The following SGCZ variants were observed in gnomAD, a reference collection of about 807,000 sequenced individuals.
SGCZ encodes zeta-sarcoglycan.
A neutral mutation model predicts 41.3 loss-of-function variants in SGCZ; 40 were observed. That is an observed-to-expected ratio of 0.97 (90% CI 0.75 to 1.26). The LOEUF (loss-of-function observed/expected upper bound fraction) is 1.26. Ranked by LOEUF, SGCZ falls within the 50% of genes most tolerant of loss-of-function variation. The probability of loss-of-function intolerance (pLI) is 0.00; values close to 1 mark genes in which losing one functional copy is unlikely to be tolerated. For synonymous variants in SGCZ, 206 were observed against 137.5 expected (o/e 1.50, Z -3.49); for missense variants, 552 against 369.8 (o/e 1.49, Z -4.04).
intron 1 of SGCZ, among the ~76,000 whole-genome samples, chr8:15,099,662 A>C (rs557950339): frequency 1.1e-4 from 16 of 152,310 alleles, no homozygotes; most frequent in African/African-American, 3.6e-4. Flanking sequence ...AGACTTTACA[A>C]AAAAGAGAAA....
chr8:14,369,021 ATGTGTGTG>A (rs10655274), intron 2 of SGCZ, among the ~76,000 whole-genome samples: 284 of 145,512 alleles, frequency 2.0e-3, no homozygotes, highest in African/African-American at 6.6e-3. Flanking sequence ...GCAAATGTAA[ATGTGTGTG>A]TGTGTGTGTG....
At chr8:14,678,785 GTTC>G (rs747294023) in intron 1 of SGCZ, among the ~76,000 whole-genome samples, 1 of 152,184 alleles carries the variant, frequency 6.6e-6, no homozygotes, top group Non-Finnish European at 1.5e-5. Context: ...CAACCAAGAT[GTTC>G]TTCAGTAGGT....
chr8:14,340,250 A>G (rs144878228), intron 2 of SGCZ, among the ~76,000 whole-genome samples: 67 of 152,190 alleles, frequency 4.4e-4, no homozygotes, highest in African/African-American at 1.6e-3. Context: ...ACACTCTTAT[A>G]CTTTCAAAAA....
chr8:14,658,012 G>A (rs1807629831), intron 1 of SGCZ, among the ~76,000 whole-genome samples: 1 of 152,038 alleles, frequency 6.6e-6, no homozygotes, highest in Non-Finnish European at 1.5e-5. Flanking sequence ...TTAAAAAAAG[G>A]AAACTACTGA....
chr8:14,848,022 T>A (rs1803194295), intron 1 of SGCZ, among the ~76,000 whole-genome samples: 1 of 152,092 alleles, frequency 6.6e-6, no homozygotes, highest in Admixed American at 6.6e-5. Context: ...TTACTGGAAA[T>A]AATAAGTGAA....
chr8:14,181,595 T>C (rs773086087), intron 4 of SGCZ, among the ~76,000 whole-genome samples: 2 of 152,216 alleles, frequency 1.3e-5, no homozygotes, highest in Non-Finnish European at 2.9e-5. Flanking sequence ...CAGATGGAGA[T>C]AACTGAAGCA....
intron 1 of SGCZ, among the ~76,000 whole-genome samples, chr8:14,758,705 T>A (rs1380539924): frequency 6.6e-6 from 1 of 152,150 alleles, no homozygotes; most frequent in Non-Finnish European, 1.5e-5. Context: ...ATTTCTTTAT[T>A]TTCTTAAAAT....
At chr8:15,139,520 A>G (rs1808242044) in intron 1 of SGCZ, among the ~76,000 whole-genome samples, 1 of 152,184 alleles carries the variant, frequency 6.6e-6, no homozygotes, top group Non-Finnish European at 1.5e-5. Flanking sequence ...ATTATTGTGT[A>G]TATTTAAGGT....
chr8:15,190,421 A>T (rs2117108595), intron 1 of SGCZ, among the ~76,000 whole-genome samples: 1 of 152,202 alleles, frequency 6.6e-6, no homozygotes, highest in Non-Finnish European at 1.5e-5. Context: ...CTCAGAAAAG[A>T]CAGTGGTTAA....
intron 1 of SGCZ, among the ~76,000 whole-genome samples, chr8:14,715,858 A>C (rs1280912512): frequency 6.6e-6 from 1 of 152,150 alleles, no homozygotes; most frequent in Non-Finnish European, 1.5e-5. Flanking sequence ...ACCCCAAAAC[A>C]CATCAGGAAA....
intron 2 of SGCZ, among the ~76,000 whole-genome samples, chr8:14,373,312 G>C (rs546423870): frequency 6.6e-6 from 1 of 152,276 alleles, no homozygotes; most frequent in South Asian, 2.1e-4. Flanking sequence ...TTTTGGACAT[G>C]TTAAATCTGA....
intron 2 of SGCZ, among the ~76,000 whole-genome samples, chr8:14,489,831 A>G (rs1464886087): frequency 6.7e-6 from 1 of 150,342 alleles, no homozygotes; most frequent in Non-Finnish European, 1.5e-5. Context: ...AACATCATGC[A>G]GCAGATTTCA....
intron 1 of SGCZ, among the ~76,000 whole-genome samples, chr8:14,988,396 C>T (rs1342668321): frequency 6.6e-6 from 1 of 151,822 alleles, no homozygotes; most frequent in African/African-American, 2.4e-5. Flanking sequence ...TTACATAAAA[C>T]TAACTTCAAC....
intron 5 of SGCZ, among the ~76,000 whole-genome samples, chr8:14,157,216 T>C (rs1035554210): frequency 1.3e-5 from 2 of 151,002 alleles, no homozygotes; most frequent in South Asian, 2.1e-4. Context: ...GGACCACCAA[T>C]GTATATGTGG....
intron 2 of SGCZ, among the ~76,000 whole-genome samples, chr8:14,473,346 C>A (rs6983100): frequency 0.035 from 5,391 of 152,158 alleles, 293 homozygotes; most frequent in African/African-American, 0.12. Context: ...TATGCTGTTG[C>A]ATTCAGATTA....
chr8:14,821,494 A>G (rs1438184840), intron 1 of SGCZ, among the ~76,000 whole-genome samples: 1 of 152,066 alleles, frequency 6.6e-6, no homozygotes. Context: ...GATTCCAAAA[A>G]TGAATAAGGA....
intron 1 of SGCZ, among the ~76,000 whole-genome samples, chr8:14,778,657 G>C (rs1691737300): frequency 6.6e-6 from 1 of 152,098 alleles, no homozygotes; most frequent in African/African-American, 2.4e-5. Context: ...ATAGAAAACT[G>C]GGCAAAGGAC....
intron 1 of SGCZ, among the ~76,000 whole-genome samples, chr8:14,694,305 C>T (rs1167193402): frequency 6.6e-6 from 1 of 152,114 alleles, no homozygotes; most frequent in East Asian, 1.9e-4. Flanking sequence ...TACAAAAGTG[C>T]TCTTTGAAAT....
chr8:15,110,029 G>A (rs986177800), intron 1 of SGCZ, among the ~76,000 whole-genome samples: 2 of 152,122 alleles, frequency 1.3e-5, no homozygotes, highest in Non-Finnish European at 2.9e-5. Context: ...AGGCCACAGG[G>A]ACATTTTCAT....
Sources: gnomAD v4.1 joint callset for allele counts (sites outside exome capture counted in the v4.1 genomes callset) on GRCh38, gnomAD v4.1.1 for gene constraint, MANE v1.5 for transcripts, NCBI Gene and HGNC (gene_info 2026-07-23, HGNC 2026-07-21) for gene names.